The following FHIT variants were observed in gnomAD, a reference collection of about 807,000 sequenced individuals.
The protein encoded by FHIT is bis(5'-adenosyl)-triphosphatase.
Under a neutral mutation model 17.9 loss-of-function variants are expected in FHIT, and 19 were observed. The ratio of observed to expected loss-of-function variants is 1.06; its 90% CI spans 0.74 to 1.56. FHIT has a LOEUF of 1.56. FHIT is among the 40% of genes most tolerant of loss of function. The probability of loss-of-function intolerance (pLI) is 0.00; values close to 1 mark genes in which losing one functional copy is unlikely to be tolerated. For synonymous variants in FHIT, 81 were observed against 69.7 expected, an observed-to-expected ratio of 1.16 and a Z score of -0.81; for missense variants, 248 against 189.2, an observed-to-expected ratio of 1.31 and a Z score of -1.82.
At chr3:60,746,564 G>A (rs2042360888) in intron 4 of FHIT, among the ~76,000 whole-genome samples, 1 of 152,110 alleles carries the variant, frequency 6.6e-6, no homozygotes, top group Non-Finnish European at 1.5e-5. Context: ...CAGTCACACT[G>A]GACTTTTGTG....
intron 7 of FHIT, among the ~76,000 whole-genome samples, chr3:59,941,064 A>T (rs1169266012): frequency 1.3e-5 from 2 of 152,208 alleles, no homozygotes; most frequent in Admixed American, 6.5e-5. Flanking sequence ...GTATGTGTTA[A>T]ATGAATGAGT....
intron 8 of FHIT, among the ~76,000 whole-genome samples, chr3:59,850,512 CAGG>C (rs1357745276): frequency 6.6e-6 from 1 of 152,108 alleles, no homozygotes; most frequent in Non-Finnish European, 1.5e-5. Flanking sequence ...TTAAATTACG[CAGG>C]AGAAGTGAAG....
At chr3:59,865,310 T>A (rs1702595738) in intron 8 of FHIT, among the ~76,000 whole-genome samples, 1 of 152,258 alleles carries the variant, frequency 6.6e-6, no homozygotes, top group Non-Finnish European at 1.5e-5. Flanking sequence ...GTTAATAGTA[T>A]TTAAACATAA....
chr3:61,025,825 T>G (rs2032703806), intron 3 of FHIT, among the ~76,000 whole-genome samples: 1 of 152,224 alleles, frequency 6.6e-6, no homozygotes, highest in South Asian at 2.1e-4. Flanking sequence ...TGACTGTAGT[T>G]CTAGCTCCTA....
In FHIT at chr3:59,905,860, A is replaced by G. The variant is rs149053181; in HGVS notation, c.348+16486T>C. Among the ~76,000 whole-genome samples, 53 of 152,338 alleles carry G rather than the reference A, an allele frequency of 3.5e-4. No individual in the cohort carries two copies. In the East Asian group the frequency reaches 9.3e-3, roughly 27 times the overall value. On this transcript the variant is annotated intron_variant, in intron 8 of 9. Transcript: ENST00000492590. ...ATAGGTAAGTTTCTATACTTGAATG[A>G]TATTATATAATCATAATGCATTGGA...
At chr3:60,899,549 C>G (rs538151810) in intron 3 of FHIT, among the ~76,000 whole-genome samples, 2 of 152,284 alleles carry the variant, frequency 1.3e-5, no homozygotes, top group Non-Finnish European at 2.9e-5. Flanking sequence ...ACGGTAAAGG[C>G]TGCTCAGCAA....
intron 5 of FHIT, among the ~76,000 whole-genome samples, chr3:60,383,741 T>C (rs1490159695): frequency 6.6e-6 from 1 of 152,194 alleles, no homozygotes; most frequent in Non-Finnish European, 1.5e-5. Flanking sequence ...GAGGTACATC[T>C]ACTATAAAAA....
At chr3:60,598,118 G>A (rs2038329285) in intron 4 of FHIT, among the ~76,000 whole-genome samples, 1 of 152,264 alleles carries the variant, frequency 6.6e-6, no homozygotes, top group African/African-American at 2.4e-5. Context: ...AAGTTAGATA[G>A]CAGCAATTTA....
At chr3:59,907,207 A>C (rs1169294568) in intron 8 of FHIT, among the ~76,000 whole-genome samples, 1 of 152,084 alleles carries the variant, frequency 6.6e-6, no homozygotes, top group Non-Finnish European at 1.5e-5. Flanking sequence ...CCTTCCCCAC[A>C]CTTCCATGGC....
chr3:60,710,756 A>G (rs1261825664), intron 4 of FHIT, among the ~76,000 whole-genome samples: 1 of 152,216 alleles, frequency 6.6e-6, no homozygotes, highest in Non-Finnish European at 1.5e-5. Context: ...ACTTAGGTAA[A>G]CAAAGCAGCC....
intron 8 of FHIT, among the ~76,000 whole-genome samples, chr3:59,914,809 A>G (rs1705053571): frequency 6.6e-6 from 1 of 151,626 alleles, no homozygotes; most frequent in African/African-American, 2.4e-5. Flanking sequence ...TATTTTTCCA[A>G]TAGTCTTTTT....
At chr3:60,429,585 G>A (rs903503455) in intron 5 of FHIT, among the ~76,000 whole-genome samples, 10 of 152,068 alleles carry the variant, frequency 6.6e-5, no homozygotes, top group South Asian at 4.2e-4. Flanking sequence ...AACATGGCCC[G>A]GCCCTGTTTA....
intron 8 of FHIT, among the ~76,000 whole-genome samples, chr3:59,863,933 G>A (rs1333008323): frequency 6.6e-6 from 1 of 151,986 alleles, no homozygotes; most frequent in African/African-American, 2.4e-5. Flanking sequence ...GCCCTTCCCT[G>A]CTCCCTTGAA....
At chr3:60,405,171 C>T (rs1000573898) in intron 5 of FHIT, among the ~76,000 whole-genome samples, 8 of 152,142 alleles carry the variant, frequency 5.3e-5, no homozygotes, top group Non-Finnish European at 1.2e-4. Flanking sequence ...GTTAAATCCT[C>T]GGACTGGACT....
intron 5 of FHIT, among the ~76,000 whole-genome samples, chr3:60,228,331 T>C (rs969110100): frequency 6.6e-6 from 1 of 152,094 alleles, no homozygotes; most frequent in African/African-American, 2.4e-5. Context: ...GGTGACTTCT[T>C]AACCAGCACA....
intron 2 of FHIT, among the ~76,000 whole-genome samples, chr3:61,053,548 C>T (rs2034105485): frequency 6.6e-6 from 1 of 151,978 alleles, no homozygotes. Context: ...ATCCCAGCTA[C>T]TCAAGAGGCT....
chr3:60,509,070 C>G (rs1445930501), intron 5 of FHIT, among the ~76,000 whole-genome samples: 1 of 152,124 alleles, frequency 6.6e-6, no homozygotes, highest in African/African-American at 2.4e-5. Context: ...GTACCTGCAA[C>G]TCCCCCATTG....
At chr3:60,489,714 G>A (rs1428634024) in intron 5 of FHIT, among the ~76,000 whole-genome samples, 1 of 152,188 alleles carries the variant, frequency 6.6e-6, no homozygotes, top group African/African-American at 2.4e-5. Context: ...AGCAGTCAAT[G>A]TGGTAATTTT....
At chr3:60,529,639 A>G (rs950627025) in intron 5 of FHIT, among the ~76,000 whole-genome samples, 1 of 152,182 alleles carries the variant, frequency 6.6e-6, no homozygotes, top group Non-Finnish European at 1.5e-5. Flanking sequence ...GATGACTTGC[A>G]TGGAAAGCAG....
Sources: gnomAD v4.1 joint callset for allele counts (sites outside exome capture counted in the v4.1 genomes callset) on GRCh38, gnomAD v4.1.1 for gene constraint, MANE v1.5 for transcripts, NCBI Gene and HGNC (gene_info 2026-07-23, HGNC 2026-07-21) for gene names.